The following LOC114841035 variants were observed in gnomAD, a reference collection of about 807,000 sequenced individuals.
chr11:64,242,578 CT>C, the LOC114841035 span: 6 of 1,524,996 alleles, frequency 3.9e-6, no homozygotes, highest in African/African-American at 1.5e-5. Context: ...TTGGGCGGGC[CT>C]TTTGGGAGTG....
chr11:64,243,331 G>C, the LOC114841035 span: 2 of 1,599,240 alleles, frequency 1.3e-6, no homozygotes, highest in Admixed American at 1.7e-5. Flanking sequence ...GGGGGAATGG[G>C]CTTGGGAGTG....
the LOC114841035 span, chr11:64,243,576 T>G: frequency 3.2e-6 from 5 of 1,550,394 alleles, no homozygotes; most frequent in Non-Finnish European, 4.4e-6. Flanking sequence ...CAGCTTTTCA[T>G]TGGTCTTCAC....
At chr11:64,243,594 A>T in the LOC114841035 span, 1 of 1,448,752 alleles carries the variant, frequency 6.9e-7, no homozygotes, top group Non-Finnish European at 9.6e-7. Flanking sequence ...CACCGTATCC[A>T]TTCATTACAA....
chr11:64,242,447 C>T, the LOC114841035 span: 13 of 1,550,352 alleles, frequency 8.4e-6, no homozygotes, highest in African/African-American at 1.9e-4. Flanking sequence ...GCGCCGTGGC[C>T]ACGGCCACGG....
At chr11:64,242,705 C>A in the LOC114841035 span, 1 of 872,608 alleles carries the variant, frequency 1.1e-6, no homozygotes, top group Non-Finnish European at 1.7e-6. Flanking sequence ...TTCTGCCTTG[C>A]CCTTGCCTAC....
At chr11:64,243,100 G>A in the LOC114841035 span, 1 of 1,033,180 alleles carries the variant, frequency 9.7e-7, no homozygotes, top group Admixed American at 1.7e-5. Context: ...CCAGGGCTGT[G>A]GGTGGGCGTG....
At chr11:64,244,130 C>A in the LOC114841035 span, 3 of 1,319,224 alleles carry the variant, frequency 2.3e-6, no homozygotes, top group African/African-American at 3.4e-5. Context: ...CTTAAAAGCC[C>A]AAGGAGTAAG....
the LOC114841035 span, chr11:64,242,334 T>A: frequency 1.4e-6 from 2 of 1,461,256 alleles, no homozygotes; most frequent in Non-Finnish European, 1.8e-6. Context: ...TTCCATACTC[T>A]CCCTGCCCTC....
At chr11:64,242,557 C>T in the LOC114841035 span, 2 of 1,535,336 alleles carry the variant, frequency 1.3e-6, no homozygotes, top group Non-Finnish European at 1.7e-6. Flanking sequence ...ATGCACTACA[C>T]GGTGAGTGGG....
the LOC114841035 span, chr11:64,242,389 T>A: frequency 6.6e-7 from 1 of 1,521,872 alleles, no homozygotes; most frequent in Non-Finnish European, 8.8e-7. Context: ...CACAGAGACA[T>A]GAGGCTGAGC....
the LOC114841035 span, chr11:64,243,270 C>T: frequency 6.2e-7 from 1 of 1,611,390 alleles, no homozygotes; most frequent in African/African-American, 1.3e-5. Context: ...TCTCCCTTGG[C>T]ACAGGCCAGG....
chr11:64,243,818 G>A, the LOC114841035 span: 1 of 1,613,364 alleles, frequency 6.2e-7, no homozygotes, highest in Non-Finnish European at 8.5e-7. Context: ...ATCACTGACT[G>A]TTTCTTTGTG....
chr11:64,242,177 C>T, the LOC114841035 span: 1 of 490,000 alleles, frequency 2.0e-6, no homozygotes, highest in Non-Finnish European at 3.5e-6. Context: ...CCCCCCGCTG[C>T]TGGGGTCCTC....
chr11:64,242,054 C>T, the LOC114841035 span: 19 of 237,196 alleles, frequency 8.0e-5, no homozygotes, highest in African/African-American at 3.4e-4. Context: ...CTGGACTTTG[C>T]GTAAAGGGAC....
the LOC114841035 span, chr11:64,242,575 G>A: frequency 3.9e-6 from 6 of 1,527,836 alleles, no homozygotes; most frequent in Admixed American, 2.4e-5. Flanking sequence ...GGGTTGGGCG[G>A]GCCTTTTGGG....
the LOC114841035 span, chr11:64,243,869 G>A: frequency 6.2e-7 from 1 of 1,614,058 alleles, no homozygotes; most frequent in African/African-American, 1.3e-5. Context: ...CTCCCCCAAA[G>A]ATTCCAGGTA....
chr11:64,243,769 A>G, the LOC114841035 span: 1 of 1,587,422 alleles, frequency 6.3e-7, no homozygotes, highest in South Asian at 1.1e-5. Flanking sequence ...AGAGGGGCGG[A>G]ACACTCTCCC....
chr11:64,243,649 G>A, the LOC114841035 span: 3 of 1,193,192 alleles, frequency 2.5e-6, no homozygotes, highest in Non-Finnish European at 3.7e-6. Context: ...GTGAGTACAG[G>A]GCAAGATCAT....
chr11:64,244,110 CAAAA>C, the LOC114841035 span: 14 of 1,490,968 alleles, frequency 9.4e-6, no homozygotes, highest in Middle Eastern at 2.3e-4. Flanking sequence ...CAAAAACAAA[CAAAA>C]AAACACTTAA....
Sources: gnomAD v4.1 joint callset for allele counts on GRCh38, gnomAD v4.1.1 for gene constraint, MANE v1.5 for transcripts.